FGD4: variants seen among roughly 807,000 people sequenced by gnomAD.
The protein encoded by FGD4 is FYVE, RhoGEF and PH domain-containing protein 4.
FGD4 carries 42 observed loss-of-function variants against 102.0 expected under a neutral mutation model. That is an observed-to-expected ratio of 0.41 (90% CI 0.32 to 0.53). The LOEUF (loss-of-function observed/expected upper bound fraction) is 0.53. Ranked by LOEUF, FGD4 falls within the 20% of genes least tolerant of loss-of-function variation. The pLI, the probability that FGD4 is intolerant of heterozygous loss-of-function variation, is 0.21. For missense variants in FGD4, 902 were observed against 1,078.2 expected, an observed-to-expected ratio of 0.84 and a Z score of 2.29; for synonymous variants, 380 against 375.7, an observed-to-expected ratio of 1.01 and a Z score of -0.13.
At chr12:32,580,296 G>A (rs551039640) in intron 3 of FGD4, among the ~76,000 whole-genome samples, 1 of 151,936 alleles carries the variant, frequency 6.6e-6, no homozygotes, top group African/African-American at 2.4e-5. Flanking sequence ...ATTATTGTAA[G>A]GGGCTTCTTA....
Position 32,561,075 on chromosome 12 carries a change from GTTT to G in FGD4, c.167-3038_167-3036del, listed in dbSNP as rs1218919677. Among the ~76,000 whole-genome samples the G allele has an allele frequency of 3.3e-3, 284 of 85,108 alleles. 1 individual carries two copies. The highest frequency in any genetic ancestry group is 0.012 in the African/African-American group (270 of 21,704). 55.8% of individuals were successfully genotyped at this position (85,108 alleles called of 152,430 possible). A position where few individuals can be genotyped will look rare whatever the true frequency, so the allele number is the denominator to read the frequency against. On this transcript the variant is annotated intron_variant, in intron 1 of 16. Coordinates refer to ENST00000534526, the MANE Select transcript of FGD4 (RefSeq NM_001370298.3). ...AAATGTGGTTTCTTTGTTGGGTTTTGTTTTTTTTTTTTTTTTTTTTTTTTTTGA... is the reference window on the plus strand; with the variant it reads ...AAATGTGGTTTCTTTGTTGGGTTTTGTTTTTTTTTTTTTTTTTTTTTTTGA...
intron 1 of FGD4, among the ~76,000 whole-genome samples, chr12:32,494,881 T>G (rs1937699691): frequency 6.6e-6 from 1 of 152,046 alleles, no homozygotes; most frequent in Admixed American, 6.6e-5. Flanking sequence ...AGGTGAGAAG[T>G]GACTAGACCT....
chr12:32,609,926 C>T lies in FGD4; in HGVS notation c.1544-850C>T, dbSNP rs1301046616. ...AGGTCTCGGCATCCACAGCACTTCA[C>T]CAGCAGCCTCTGGAGCTCCTACGAT... On this transcript the variant is annotated intron_variant, in intron 8 of 16. Transcript: ENST00000534526. Among the ~76,000 whole-genome samples, 2 of 152,182 alleles carry T rather than the reference C, an allele frequency of 1.3e-5. 1 individual carries two copies. The highest frequency in any genetic ancestry group is 2.9e-5 in the Non-Finnish European group (2 of 68,032).
At chr12:32,495,664 C>G (rs191890059) in intron 1 of FGD4, among the ~76,000 whole-genome samples, 2 of 148,148 alleles carry the variant, frequency 1.3e-5, no homozygotes, top group Non-Finnish European at 3.0e-5. Context: ...CCACTGCACT[C>G]CAGCCTGGGC....
At chr12:32,609,907 C>T (rs1949035879) in intron 8 of FGD4, among the ~76,000 whole-genome samples, 1 of 152,098 alleles carries the variant, frequency 6.6e-6, no homozygotes, top group Non-Finnish European at 1.5e-5. Context: ...CAAGAGGTCT[C>T]GGCATCCACA....
intron 1 of FGD4, among the ~76,000 whole-genome samples, chr12:32,438,616 G>GTT (rs539998283): frequency 0.39 from 57,509 of 146,256 alleles, 11,590 homozygotes; most frequent in African/African-American, 0.5. Context: ...GTTTGTGTGT[G>GTT]TTTTTTTTTT....
chr12:32,463,734 C>A (rs1167274564), intron 1 of FGD4, among the ~76,000 whole-genome samples: 1 of 152,158 alleles, frequency 6.6e-6, no homozygotes, highest in African/African-American at 2.4e-5. Flanking sequence ...TTTCTTTTAA[C>A]TTTTGTGTGA....
intron 1 of FGD4, among the ~76,000 whole-genome samples, chr12:32,529,251 A>G (rs537997441): frequency 1.0e-3 from 158 of 152,186 alleles, no homozygotes; most frequent in East Asian, 9.8e-4. Flanking sequence ...AGTAGCTGGT[A>G]CTACAGGCGT....
At chr12:32,607,063 A>T (rs549177765) in intron 7 of FGD4, among the ~76,000 whole-genome samples, 31 of 152,356 alleles carry the variant, frequency 2.0e-4, no homozygotes, top group African/African-American at 7.2e-4. Flanking sequence ...GTGCTTAGCA[A>T]ACCTCATTAA....
intron 10 of FGD4, among the ~76,000 whole-genome samples, chr12:32,618,834 T>C (rs1363916835): frequency 1.2e-4 from 19 of 152,172 alleles, no homozygotes; most frequent in Admixed American, 1.2e-3. Flanking sequence ...GGTATGGTGG[T>C]GTGTTTCTAT....
At chr12:32,536,756 A>G (rs1355850970) in intron 1 of FGD4, among the ~76,000 whole-genome samples, 1 of 152,240 alleles carries the variant, frequency 6.6e-6, no homozygotes, top group Non-Finnish European at 1.5e-5. Context: ...GGTGGTTATT[A>G]TAATAAAACT....
intron 14 of FGD4, among the ~76,000 whole-genome samples, chr12:32,632,669 A>G (rs1222421126): frequency 6.6e-6 from 1 of 151,228 alleles, no homozygotes. Context: ...AAATCAGAGT[A>G]GCTTTATTTT....
In FGD4 at chr12:32,425,476, C is replaced by T. The variant is rs533614542; in HGVS notation, c.166+25517C>T. On this transcript the variant is annotated intron_variant, in intron 1 of 16. Transcript: ENST00000534526. ...TACCATGCTGTTTTGGTTACTGTAGCCTTGCAGTACAGTTTGAAGTCAGGT... is the reference window on the plus strand; with the variant it reads ...TACCATGCTGTTTTGGTTACTGTAGTCTTGCAGTACAGTTTGAAGTCAGGT... Among the ~76,000 whole-genome samples the T allele has an allele frequency of 1.2e-4, 18 of 152,248 alleles. No individual in the cohort carries two copies. In the East Asian group the frequency reaches 3.5e-3, roughly 29 times the overall value.
intron 1 of FGD4, among the ~76,000 whole-genome samples, chr12:32,501,375 T>C (rs1379493715): frequency 5.3e-5 from 8 of 152,204 alleles, no homozygotes; most frequent in African/African-American, 1.9e-4. Flanking sequence ...TTCAGCCAAT[T>C]TTATCTTCCA....
At chr12:32,532,238 A>G (rs1260061688) in intron 1 of FGD4, among the ~76,000 whole-genome samples, 1 of 152,246 alleles carries the variant, frequency 6.6e-6, no homozygotes, top group Non-Finnish European at 1.5e-5. Flanking sequence ...GATTATGTGA[A>G]TGTGGTATCT....
At chr12:32,596,026 G>C (rs182658173) in intron 4 of FGD4, among the ~76,000 whole-genome samples, 1 of 152,238 alleles carries the variant, frequency 6.6e-6, no homozygotes, top group East Asian at 1.9e-4. Flanking sequence ...GCATTTATAC[G>C]CAGTTTAAAA....
At chr12:32,457,142 A>G (rs2136486698) in intron 1 of FGD4, among the ~76,000 whole-genome samples, 1 of 152,268 alleles carries the variant, frequency 6.6e-6, no homozygotes, top group African/African-American at 2.4e-5. Context: ...TTTTTTATTT[A>G]TTTCTACATT....
intron 7 of FGD4, among the ~76,000 whole-genome samples, chr12:32,605,774 T>G (rs1165413804): frequency 6.6e-6 from 1 of 152,236 alleles, no homozygotes; most frequent in Non-Finnish European, 1.5e-5. Flanking sequence ...AGCTTTATCT[T>G]TGATTTGTTA....
chr12:32,539,712 T>TA (rs34533231), intron 1 of FGD4, among the ~76,000 whole-genome samples: 45,185 of 149,934 alleles, frequency 0.3, 7,552 homozygotes, highest in Middle Eastern at 0.46. Context: ...CAGTTAATGT[T>TA]AAAAAAAAAA....
Sources: allele counts gnomAD v4.1 joint callset (sites outside exome capture counted in the v4.1 genomes callset), GRCh38; gene constraint gnomAD v4.1.1; transcripts MANE v1.5; gene names NCBI Gene and HGNC (gene_info 2026-07-23, HGNC 2026-07-21).